Variants in FBLN7 observed in about 807,000 individuals in gnomAD.
FBLN7 encodes the protein fibulin 7.
FBLN7 carries 31 observed loss-of-function variants against 44.0 expected under a neutral mutation model. That is an observed-to-expected ratio of 0.70 (90% CI 0.53 to 0.95). FBLN7 has a LOEUF of 0.95. FBLN7 is among the 40% of genes least tolerant of loss of function. The pLI is 0.00. For missense variants in FBLN7, 573 were observed against 618.5 expected, an observed-to-expected ratio of 0.93 and a Z score of 0.78; for synonymous variants, 262 against 253.4, an observed-to-expected ratio of 1.03 and a Z score of -0.32.
the FBLN7 span, among the ~76,000 whole-genome samples, chr2:112,203,021 G>T: frequency 6.6e-6 from 1 of 152,006 alleles, no homozygotes; most frequent in Non-Finnish European, 1.5e-5. Flanking sequence ...GCCAACAAGA[G>T]GCTGAGCAAA....
the FBLN7 span, among the ~76,000 whole-genome samples, chr2:112,209,280 C>G: frequency 6.6e-6 from 1 of 152,176 alleles, no homozygotes; most frequent in Admixed American, 6.5e-5. Flanking sequence ...CCCCCTTTAT[C>G]TGCACCTCCG....
At chr2:112,194,928 A>T in the FBLN7 span, among the ~76,000 whole-genome samples, 1 of 152,364 alleles carries the variant, frequency 6.6e-6, no homozygotes, top group South Asian at 2.1e-4. Context: ...GTAGAAACAG[A>T]GTGAGAAATC....
intron 2 of FBLN7, among the ~76,000 whole-genome samples, chr2:112,160,285 G>A (rs564963436): frequency 6.6e-6 from 1 of 152,194 alleles, no homozygotes; most frequent in Non-Finnish European, 1.5e-5. Context: ...CCACCGCGCC[G>A]GGCCAATCTG....
At chr2:112,174,530 G>A (rs1003550888) in intron 3 of FBLN7, among the ~76,000 whole-genome samples, 1 of 152,128 alleles carries the variant, frequency 6.6e-6, no homozygotes, top group African/African-American at 2.4e-5. Flanking sequence ...CACAGGAAAG[G>A]CTGCTTTTAT....
At chr2:112,159,536 G>A (rs910616783) in intron 1 of FBLN7, 140 bp from the exon 2 acceptor site, 9 of 963,588 alleles carry the variant, frequency 9.3e-6, no homozygotes, top group African/African-American at 1.7e-5. Context: ...CTGTCCAGCG[G>A]CAGGTCACTT....
chr2:112,194,100 G>A, the FBLN7 span, among the ~76,000 whole-genome samples: 1 of 152,118 alleles, frequency 6.6e-6, no homozygotes, highest in African/African-American at 2.4e-5. Context: ...TCCATGCCTG[G>A]GGGCTAGGGT....
chr2:112,241,337 G>A, the FBLN7 span, among the ~76,000 whole-genome samples: 3 of 152,106 alleles, frequency 2.0e-5, no homozygotes, highest in Non-Finnish European at 4.4e-5. Flanking sequence ...CCACATGGAG[G>A]TACTAAATCT....
At chr2:112,179,243 C>T (rs1488763238) in intron 4 of FBLN7, among the ~76,000 whole-genome samples, 2 of 151,834 alleles carry the variant, frequency 1.3e-5, no homozygotes, top group Non-Finnish European at 2.9e-5. Flanking sequence ...CACAATTTGC[C>T]ACACACACAC....
chr2:112,236,442 C>T, the FBLN7 span: 2 of 1,372,308 alleles, frequency 1.5e-6, no homozygotes, highest in African/African-American at 1.5e-5. Flanking sequence ...CATCCGAAAA[C>T]CGATTCTGTG....
the FBLN7 span, among the ~76,000 whole-genome samples, chr2:112,194,754 G>A: frequency 2.0e-3 from 301 of 152,352 alleles, 1 homozygote; most frequent in African/African-American, 6.6e-3. Context: ...CTGGCTTCCC[G>A]TCAGTGGGTT....
At chr2:112,205,346 A>G in the FBLN7 span, among the ~76,000 whole-genome samples, 1 of 152,064 alleles carries the variant, frequency 6.6e-6, no homozygotes, top group East Asian at 1.9e-4. Context: ...CTTACCAGCA[A>G]TTATATTAAG....
downstream of FBLN7, chr2:112,190,217 C>T (rs989542661): frequency 6.6e-6 from 1 of 152,216 alleles, no homozygotes; most frequent in African/African-American, 2.4e-5. Context: ...TTGGTGGTGA[C>T]AGATGCTTCC....
chr2:112,173,081 C>T (rs1338935984), intron 3 of FBLN7, among the ~76,000 whole-genome samples: 2 of 152,130 alleles, frequency 1.3e-5, no homozygotes, highest in African/African-American at 4.8e-5. Flanking sequence ...AAAATAGGTG[C>T]AAATGAAAGA....
the FBLN7 span, among the ~76,000 whole-genome samples, chr2:112,235,531 T>A: frequency 1.3e-5 from 2 of 152,168 alleles, no homozygotes; most frequent in Non-Finnish European, 2.9e-5. Context: ...GGGGACAGAC[T>A]GTATATAAAT....
At chr2:112,219,651 T>C in the FBLN7 span, among the ~76,000 whole-genome samples, 1 of 146,264 alleles carries the variant, frequency 6.8e-6, no homozygotes, top group African/African-American at 2.6e-5. Flanking sequence ...AGTGGGGTGA[T>C]TTTTTTTTTT....
chr2:112,205,847 C>T, the FBLN7 span, among the ~76,000 whole-genome samples: 53 of 152,182 alleles, frequency 3.5e-4, no homozygotes, highest in East Asian at 9.6e-4. Flanking sequence ...CTTGTCTATA[C>T]GTACAAAAAA....
rs1573841357 is a variant in FBLN7, at chr2:112,187,029, T to A, written c.948-105T>A. ...GTGAAGGACCCGTGGCTGGGAAAGG[T>A]CATCTAGGTGGCCTCTGCAAGAGGG... On this transcript the variant is annotated intron_variant, in intron 7 of 7. Coordinates refer to ENST00000331203, the MANE Select transcript of FBLN7 (RefSeq NM_153214.3). The surrounding 1 kb of genome is among the most constrained non-coding windows in gnomAD (Gnocchi z 5.1). 5 of 1,410,580 alleles carry A rather than the reference T, an allele frequency of 3.5e-6. No individual in the cohort carries two copies. Among genetic ancestry groups the A allele is most frequent in the Non-Finnish European group, 3.8e-6 (4 of 1,042,500 alleles). The allele number at this position is 1,410,580 out of a possible 1,614,324, so 87.4% of individuals were successfully genotyped here.
At chr2:112,189,739 G>A (rs1388952015), downstream of FBLN7, 1 of 152,124 alleles carries the variant, frequency 6.6e-6, no homozygotes, top group Non-Finnish European at 1.5e-5. Flanking sequence ...TGAACACATG[G>A]CCAACTTGTT....
chr2:112,197,694 A>G, the FBLN7 span, among the ~76,000 whole-genome samples: 1 of 152,176 alleles, frequency 6.6e-6, no homozygotes. Context: ...TCAAGTCCAC[A>G]TCCTAGCTCA....
Sources: allele counts gnomAD v4.1 joint callset (sites outside exome capture counted in the v4.1 genomes callset), GRCh38; gene constraint gnomAD v4.1.1; non-coding constraint Gnocchi (gnomAD v3.1); transcripts MANE v1.5; gene names NCBI Gene and HGNC (gene_info 2026-07-23, HGNC 2026-07-21).